FRMPD4: variants seen among roughly 807,000 people sequenced by gnomAD.
FRMPD4 encodes FERM and PDZ domain containing 4.
Under a neutral mutation model 94.1 loss-of-function variants are expected in FRMPD4, and 22 were observed. The observed-to-expected ratio is 0.23, with a 90% confidence interval of 0.17 to 0.33. The LOEUF (loss-of-function observed/expected upper bound fraction) is 0.33, where lower values mean the gene tolerates loss of function less well. Among genes scored for constraint, FRMPD4 ranks in the 10% least tolerant of loss-of-function variants. The pLI, the probability that FRMPD4 is intolerant of heterozygous loss-of-function variation, is 1.00. For synonymous variants in FRMPD4, 631 were observed against 548.6 expected, an observed-to-expected ratio of 1.15 and a Z score of -2.10; for missense variants, 1,111 against 1,339.9, an observed-to-expected ratio of 0.83 and a Z score of 2.67.
chrX:11,823,654 G>A (rs981901711), intron 1 of FRMPD4, among the ~76,000 whole-genome samples: 3 of 111,668 alleles, frequency 2.7e-5, no homozygotes, highest in Admixed American at 9.5e-5. Flanking sequence ...GTTGTAGCAC[G>A]GAGGCAGCCA....
chrX:12,357,894 T>C (rs368212554), intron 1 of FRMPD4, among the ~76,000 whole-genome samples: 2 of 112,255 alleles, frequency 1.8e-5, no homozygotes, highest in Non-Finnish European at 3.8e-5. Context: ...AGTTCATTCC[T>C]GTTCCCATCT....
intron 3 of FRMPD4, among the ~76,000 whole-genome samples, chrX:12,056,258 A>G (rs993313839): frequency 8.9e-6 from 1 of 111,889 alleles, no homozygotes; most frequent in Non-Finnish European, 1.9e-5. Context: ...GGGAGCCCAT[A>G]GGTACAGGGA....
At chrX:12,174,387 C>T (rs1024724954) in intron 1 of FRMPD4, among the ~76,000 whole-genome samples, 1 of 112,360 alleles carries the variant, frequency 8.9e-6, no homozygotes, top group African/African-American at 3.2e-5. Flanking sequence ...AGTTTGCTGA[C>T]CCCTTCTCTA....
chrX:11,953,378 A>G (rs2054236153), intron 3 of FRMPD4, among the ~76,000 whole-genome samples: 1 of 112,013 alleles, frequency 8.9e-6, no homozygotes, highest in African/African-American at 3.2e-5. Flanking sequence ...GATAAGTCTC[A>G]TTAAAGATGT....
At chrX:12,168,279 T>G (rs2056156608) in intron 1 of FRMPD4, among the ~76,000 whole-genome samples, 1 of 110,133 alleles carries the variant, frequency 9.1e-6, no homozygotes, top group Admixed American at 9.7e-5. Flanking sequence ...AAAAATAAAC[T>G]TCAACTGAGT....
chrX:11,967,602 C>T (rs2054316225), intron 3 of FRMPD4, among the ~76,000 whole-genome samples: 1 of 111,391 alleles, frequency 9.0e-6, no homozygotes, highest in African/African-American at 3.3e-5. Flanking sequence ...AGCACCTGCT[C>T]TTGTTGTCCC....
intron 2 of FRMPD4, among the ~76,000 whole-genome samples, chrX:12,532,674 T>C (rs1483259626): frequency 8.9e-6 from 1 of 112,127 alleles, no homozygotes; most frequent in African/African-American, 3.2e-5. Context: ...AGTACATCTA[T>C]TTATTATAGC....
chrX:12,554,455 T>C (rs1189301610), intron 2 of FRMPD4, among the ~76,000 whole-genome samples: 1 of 112,151 alleles, frequency 8.9e-6, no homozygotes, highest in Admixed American at 9.5e-5. Flanking sequence ...TATTGACTTA[T>C]GAAGTCAATT....
intron 1 of FRMPD4, among the ~76,000 whole-genome samples, chrX:12,346,670 G>A (rs2055716901): frequency 9.0e-6 from 1 of 111,114 alleles, no homozygotes; most frequent in Admixed American, 9.6e-5. Context: ...GCCAAAAATG[G>A]AGCATACTTT....
chrX:12,193,961 G>C (rs1209854144), intron 1 of FRMPD4, among the ~76,000 whole-genome samples: 1 of 108,788 alleles, frequency 9.2e-6, no homozygotes, highest in African/African-American at 3.3e-5. Context: ...TGAATTACTT[G>C]TACAGTACCT....
intron 4 of FRMPD4, among the ~76,000 whole-genome samples, chrX:12,658,421 T>TTCATTC (rs1465611880): frequency 8.9e-6 from 1 of 112,119 alleles, no homozygotes; most frequent in African/African-American, 3.2e-5. Context: ...AGTCTTATCC[T>TTCATTC]AGGTGATGAG....
At chrX:11,901,571 G>A (rs1301970183) in intron 3 of FRMPD4, among the ~76,000 whole-genome samples, 1 of 112,136 alleles carries the variant, frequency 8.9e-6, no homozygotes, top group African/African-American at 3.2e-5. Flanking sequence ...GCGTGTGCAT[G>A]TGTCTTTCAT....
At chrX:12,556,857 G>A (rs79646699) in intron 2 of FRMPD4, among the ~76,000 whole-genome samples, 5 of 109,472 alleles carry the variant, frequency 4.6e-5, no homozygotes, top group Non-Finnish European at 7.6e-5. Context: ...AAGTTTGTTT[G>A]TTTATTTGAG....
At chrX:12,296,666 T>C (rs1035755800) in intron 1 of FRMPD4, among the ~76,000 whole-genome samples, 1 of 112,283 alleles carries the variant, frequency 8.9e-6, no homozygotes, top group East Asian at 2.8e-4. Flanking sequence ...TGGACTTGCC[T>C]GAGTTATTTA....
chrX:11,832,730 T>C (rs1397869601), intron 1 of FRMPD4, among the ~76,000 whole-genome samples: 1 of 111,718 alleles, frequency 9.0e-6, no homozygotes, highest in Non-Finnish European at 1.9e-5. Context: ...GGGTGGAAAG[T>C]ACAGAGTTCT....
chrX:12,336,477 C>T (rs1347721177), intron 1 of FRMPD4, among the ~76,000 whole-genome samples: 4 of 111,188 alleles, frequency 3.6e-5, no homozygotes, highest in Non-Finnish European at 7.5e-5. Context: ...CTAGACAACC[C>T]CTTCCAAGAA....
chrX:11,873,717 T>TA lies in FRMPD4; in HGVS notation c.-29-4170dup, dbSNP rs200390595. Among the ~76,000 whole-genome samples the TA allele has an allele frequency of 9.9e-3, 1,057 of 107,112 alleles. 11 individuals are homozygous for TA. The highest frequency in any genetic ancestry group is 0.038 in the East Asian group (130 of 3,429). The allele number at this position is 107,112 out of a possible 115,157, so 93.0% of individuals were successfully genotyped here. The stretch of plus-strand genomic sequence containing the variant: ...ACAATCCAGCAGGCTTTTTTTTTTT[T>TA]AAAAAAAAGAAGAAATTAACAAGCT... On this transcript the variant is annotated intron_variant, in intron 2 of 18. Transcript: ENST00000640291.
rs184697572 is a variant in FRMPD4 at position 12,010,259 on chromosome X, A to G, written c.95+132241A>G. On this transcript the variant is annotated intron_variant, in intron 3 of 18. Coordinates refer to the FRMPD4 transcript ENST00000640291. ...GTGCCAGGAAGTTACCTTGATGCATAAATGAGAAATTAGATGGGATAAATA... is the reference window on the plus strand; with the variant it reads ...GTGCCAGGAAGTTACCTTGATGCATGAATGAGAAATTAGATGGGATAAATA... Among the ~76,000 whole-genome samples the G allele has an allele frequency of 2.2e-3, 242 of 112,198 alleles. 1 individual carries two copies. The highest frequency in any genetic ancestry group is 7.3e-3 in the African/African-American group (225 of 30,993).
At chrX:12,213,478 T>C (rs1423114256) in intron 1 of FRMPD4, among the ~76,000 whole-genome samples, 1 of 112,075 alleles carries the variant, frequency 8.9e-6, no homozygotes, top group Non-Finnish European at 1.9e-5. Context: ...TATTTTCTTA[T>C]GAAGAAGCTG....
Sources: gnomAD v4.1 joint callset for allele counts (sites outside exome capture counted in the v4.1 genomes callset) on GRCh38, gnomAD v4.1.1 for gene constraint, MANE v1.5 for transcripts, NCBI Gene and HGNC (gene_info 2026-07-23, HGNC 2026-07-21) for gene names.